The following NDP variants were observed in gnomAD, a reference collection of about 807,000 sequenced individuals.
NDP encodes norrin cystine knot growth factor NDP.
Under a neutral mutation model 8.4 loss-of-function variants are expected in NDP, and 2 were observed. The observed-to-expected ratio is 0.24, with a 90% CI of 0.10 to 0.75. The LOEUF is 0.75. Among genes scored for constraint, NDP ranks in the 30% least tolerant of loss-of-function variants. The pLI is 0.73. For missense variants in NDP, 81 were observed against 110.1 expected, an observed-to-expected ratio of 0.74 and a Z score of 1.18; for synonymous variants, 55 against 45.6, an observed-to-expected ratio of 1.21 and a Z score of -0.83.
intron 1 of NDP, among the ~76,000 whole-genome samples, chrX:43,961,839 G>C (rs985070135): frequency 9.0e-6 from 1 of 110,890 alleles, no homozygotes; most frequent in African/African-American, 3.3e-5. Flanking sequence ...ACTCTTCCAG[G>C]GCGACCACAT....
rs2035744827 is a variant in NDP, at chrX:43,948,975, T to A, written c.*824A>T. On this transcript the variant is annotated 3_prime_UTR_variant, in exon 3 of 3. Transcript: ENST00000642620. ...TATAGCACACCCACAAATAGATTCA[T>A]ACTTGGTTGTCTAATTTGCATGCAT... The A allele has an allele frequency of 9.0e-6, 1 of 111,718 alleles. No homozygotes were observed. The highest frequency in any genetic ancestry group is 1.9e-5 in the Non-Finnish European group (1 of 53,202). 9.2% of individuals were successfully genotyped at this position (111,718 alleles called of 1,213,427 possible).
At position 43,967,677 on chromosome X, in the gene NDP, T is replaced by A. The variant is rs575312542; in HGVS notation, c.-208+5627A>T. On this transcript the variant is annotated intron_variant, in intron 1 of 2. Coordinates refer to ENST00000642620, the MANE Select transcript of NDP (RefSeq NM_000266.4). ...CTCTTTTGTTACTTCTCCCCTGACC[T>A]GCTCTCTCCCTATTTTTATTCCCTA... Among the ~76,000 whole-genome samples the A allele has an allele frequency of 8.7e-4, 97 of 111,911 alleles. 1 individual carries two copies. Among genetic ancestry groups the A allele is most frequent in the Middle Eastern group, 4.6e-3 (1 of 218 alleles).
chrX:43,965,525 G>A (rs5906306), intron 1 of NDP, among the ~76,000 whole-genome samples: 3 of 110,505 alleles, frequency 2.7e-5, no homozygotes, highest in Non-Finnish European at 3.8e-5. Flanking sequence ...AAAATTTGTG[G>A]GGTTTCTGTC....
chrX:43,961,989 A>G (rs1365640110), intron 1 of NDP, among the ~76,000 whole-genome samples: 2 of 112,072 alleles, frequency 1.8e-5, no homozygotes, highest in East Asian at 5.6e-4. Context: ...TTAATGTCAC[A>G]TACAATGTAA....
chrX:43,961,132 A>G (rs1399371565), intron 1 of NDP, among the ~76,000 whole-genome samples: 3 of 112,703 alleles, frequency 2.7e-5, no homozygotes, highest in Admixed American at 9.4e-5. Context: ...ACATTGTTCA[A>G]CCAATCAGAT....
chrX:43,970,384 G>A (rs930784958), intron 1 of NDP, among the ~76,000 whole-genome samples: 1 of 112,304 alleles, frequency 8.9e-6, no homozygotes, highest in Non-Finnish European at 1.9e-5. Context: ...CTCGAAGGCC[G>A]CTGGCCAAGA....
chrX:43,965,770 G>C (rs772589439), intron 1 of NDP, among the ~76,000 whole-genome samples: 2 of 111,977 alleles, frequency 1.8e-5, no homozygotes, highest in East Asian at 5.7e-4. Flanking sequence ...GATTAGAAAA[G>C]TTGTCTTCTC....
chrX:43,954,490 C>G (rs2035781239), intron 2 of NDP: 1 of 111,739 alleles, frequency 8.9e-6, no homozygotes, highest in African/African-American at 3.3e-5. Context: ...AAAAAATTGT[C>G]TCTTTTTTCT....
At chrX:43,963,610 C>G (rs943506218) in intron 1 of NDP, among the ~76,000 whole-genome samples, 1 of 111,745 alleles carries the variant, frequency 8.9e-6, no homozygotes, top group Non-Finnish European at 1.9e-5. Flanking sequence ...AGAAAGCTTG[C>G]TAGATAACCC....
At chrX:43,965,706 G>A (rs987327122) in intron 1 of NDP, among the ~76,000 whole-genome samples, 11 of 111,512 alleles carry the variant, frequency 9.9e-5, no homozygotes, top group African/African-American at 3.3e-4. Context: ...ACAGATCCTC[G>A]TGCCCTAATG....
chrX:43,972,081 T>C (rs757380988), intron 1 of NDP, among the ~76,000 whole-genome samples: 1 of 112,162 alleles, frequency 8.9e-6, no homozygotes, highest in African/African-American at 3.2e-5. Flanking sequence ...TTTAATCTTA[T>C]GTGTTGGGGT....
intron 1 of NDP, among the ~76,000 whole-genome samples, chrX:43,965,169 C>A (rs192087328): frequency 1.8e-5 from 2 of 111,995 alleles, no homozygotes; most frequent in East Asian, 5.6e-4. Flanking sequence ...AAACCCAGCA[C>A]TTTAGAAGGC....
chrX:43,970,470 T>G (rs1283679774), intron 1 of NDP, among the ~76,000 whole-genome samples: 2 of 111,640 alleles, frequency 1.8e-5, no homozygotes, highest in Non-Finnish European at 3.8e-5. Flanking sequence ...GGGGATTATC[T>G]GCTGATAAGG....
At chrX:43,962,918 A>G (rs2035834590) in intron 1 of NDP, among the ~76,000 whole-genome samples, 2 of 112,284 alleles carry the variant, frequency 1.8e-5, no homozygotes, top group African/African-American at 6.5e-5. Flanking sequence ...AGCAGAGCTT[A>G]CAGCGGGCCC....
intron 1 of NDP, chrX:43,969,603 A>G (rs1166501583): frequency 8.9e-6 from 1 of 112,544 alleles, no homozygotes; most frequent in Non-Finnish European, 1.9e-5. Flanking sequence ...CAGCTAAGCC[A>G]TGTGGCTGCT....
intron 1 of NDP, among the ~76,000 whole-genome samples, chrX:43,964,037 G>T (rs1244091199): frequency 8.9e-6 from 1 of 111,948 alleles, no homozygotes; most frequent in Non-Finnish European, 1.9e-5. Flanking sequence ...TTTCATCTCA[G>T]AGATAGGCAC....
At chrX:43,960,433 T>C (rs1053210924) in intron 1 of NDP, among the ~76,000 whole-genome samples, 2 of 112,335 alleles carry the variant, frequency 1.8e-5, no homozygotes, top group African/African-American at 6.5e-5. Context: ...GACGAGACCA[T>C]ATTCCAGCAC....
At chrX:43,970,383 C>T (rs777480730) in intron 1 of NDP, among the ~76,000 whole-genome samples, 49 of 112,206 alleles carry the variant, frequency 4.4e-4, no homozygotes, top group Non-Finnish European at 7.3e-4. Flanking sequence ...GCTCGAAGGC[C>T]GCTGGCCAAG....
chrX:43,949,816 C>A lies in NDP; in HGVS notation c.385G>T (p.Glu129Ter). The A allele has an allele frequency of 8.5e-7, 1 of 1,178,053 alleles. No individual in the cohort carries two copies. Among genetic ancestry groups the A allele is most frequent in the Non-Finnish European group, 1.1e-6 (1 of 878,210 alleles). The change falls in exon 3 of 3, where the codon GAG (glutamate) becomes TAG (stop). Residue 129 changes from glutamate (E) to a stop codon, truncating the protein, a stop_gained. Coordinates refer to ENST00000642620, the MANE Select transcript of NDP (RefSeq NM_000266.4). LOFTEE classifies it high-confidence loss of function. ...AGCGGGCCTCAGGAATTGCATTCCT[C>A]GCAGTGACAGGAGAGGATGTACCGG... The part of the protein sequence containing the change: ...TYRYILSCHC[E>*]ECNS
Sources: gnomAD v4.1 joint callset for allele counts (sites outside exome capture counted in the v4.1 genomes callset) on GRCh38, gnomAD v4.1.1 for gene constraint, MANE v1.5 for transcripts, NCBI Gene and HGNC (gene_info 2026-07-23, HGNC 2026-07-21) for gene names.